The following RORA variants were observed in gnomAD, a reference collection of about 807,000 sequenced individuals.
RORA encodes the protein nuclear receptor ROR-alpha.
RORA carries 7 observed loss-of-function variants against 69.5 expected under a neutral mutation model. That is an observed-to-expected ratio of 0.10 (90% CI 0.06 to 0.19). The LOEUF is 0.19. Among genes scored for constraint, RORA ranks in the 10% least tolerant of loss-of-function variants. The pLI, the probability that RORA is intolerant of heterozygous loss-of-function variation, is 1.00. For missense variants in RORA, 457 were observed against 663.0 expected, an observed-to-expected ratio of 0.69 and a Z score of 3.41; for synonymous variants, 261 against 240.8, an observed-to-expected ratio of 1.08 and a Z score of -0.78.
intron 7 of RORA, 95 bp from the exon 8 acceptor site, chr15:60,502,962 G>A: frequency 1.2e-6 from 1 of 836,952 alleles, no homozygotes; most frequent in Non-Finnish European, 2.1e-6. Flanking sequence ...TTCTGCAACA[G>A]CATGGTGGGT....
At chr15:60,744,570 A>C (rs887310349) in intron 1 of RORA, among the ~76,000 whole-genome samples, 6 of 152,130 alleles carry the variant, frequency 3.9e-5, no homozygotes, top group Non-Finnish European at 8.8e-5. Flanking sequence ...CAGTGTCCTC[A>C]CCAGCAAACT....
chr15:60,662,316 A>T (rs1567146015), intron 2 of RORA, among the ~76,000 whole-genome samples: 1 of 152,206 alleles, frequency 6.6e-6, no homozygotes, highest in East Asian at 1.9e-4. Flanking sequence ...GAGACTTGCT[A>T]TGCATATAAA....
At chr15:60,960,975 A>G (rs1210151411) in intron 1 of RORA, among the ~76,000 whole-genome samples, 2 of 152,312 alleles carry the variant, frequency 1.3e-5, no homozygotes, top group Middle Eastern at 3.4e-3. Context: ...CAAGCAGCAG[A>G]ACTGCGATTT....
In RORA at chr15:61,225,395, G is replaced by C. The variant is rs112101850; in HGVS notation, c.166+3658C>G. On this transcript the variant is annotated intron_variant, in intron 1 of 10. Transcript: ENST00000335670. ...TAGGTAAGAGCACCTACTAGAAAGT[G>C]AATCAGCCAAAACTGAAGGGGGCAA... Among the ~76,000 whole-genome samples, 93 of 152,218 alleles carry C rather than the reference G, an allele frequency of 6.1e-4. No individual in the cohort carries two copies. In the Middle Eastern group the frequency reaches 0.024, roughly 39 times the overall value.
chr15:61,180,515 A>C (rs999812358), intron 1 of RORA, among the ~76,000 whole-genome samples: 1 of 152,142 alleles, frequency 6.6e-6, no homozygotes, highest in African/African-American at 2.4e-5. Context: ...ACTTTCTACC[A>C]ATTTTCTTCC....
intron 2 of RORA, among the ~76,000 whole-genome samples, chr15:60,647,802 C>A (rs576793009): frequency 6.6e-6 from 1 of 152,172 alleles, no homozygotes; most frequent in East Asian, 1.9e-4. Flanking sequence ...TGATATAGAG[C>A]CTTCTCTGTA....
chr15:61,094,938 G>A (rs1006286535), intron 1 of RORA, among the ~76,000 whole-genome samples: 2 of 152,256 alleles, frequency 1.3e-5, no homozygotes, highest in African/African-American at 4.8e-5. Context: ...GAGAAAAGGG[G>A]AAGAGGATTC....
chr15:60,974,544 C>T (rs935142928), intron 1 of RORA, among the ~76,000 whole-genome samples: 1 of 152,180 alleles, frequency 6.6e-6, no homozygotes, highest in African/African-American at 2.4e-5. Flanking sequence ...TTCTTTGTGG[C>T]TCCTAAGTTA....
At chr15:60,728,354 A>T (rs2071390248) in intron 1 of RORA, among the ~76,000 whole-genome samples, 1 of 151,858 alleles carries the variant, frequency 6.6e-6, no homozygotes, top group African/African-American at 2.4e-5. Context: ...CTCCCAACTC[A>T]CCCTTGGACC....
intron 1 of RORA, among the ~76,000 whole-genome samples, chr15:60,876,551 G>C (rs559243996): frequency 3.3e-5 from 5 of 152,008 alleles, no homozygotes; most frequent in African/African-American, 9.7e-5. Context: ...TCACATCAAG[G>C]CTATGTGATA....
intron 1 of RORA, among the ~76,000 whole-genome samples, chr15:61,096,564 C>T (rs530463418): frequency 6.6e-6 from 1 of 152,260 alleles, no homozygotes; most frequent in South Asian, 2.1e-4. Context: ...ACAACCAAGT[C>T]CCCATGAGAG....
chr15:60,547,049 G>A (rs1866009), intron 2 of RORA, among the ~76,000 whole-genome samples: 2,968 of 152,238 alleles, frequency 0.019, 90 homozygotes, highest in African/African-American at 0.069. Context: ...TACTGTGGGC[G>A]TGGAGATGCT....
At chr15:60,879,857 C>G (rs2073659558) in intron 1 of RORA, among the ~76,000 whole-genome samples, 1 of 152,180 alleles carries the variant, frequency 6.6e-6, no homozygotes. Context: ...AAGTCACAAA[C>G]ATAAACCTTC....
At chr15:60,685,821 A>C (rs1208238046) in intron 1 of RORA, among the ~76,000 whole-genome samples, 1 of 152,232 alleles carries the variant, frequency 6.6e-6, no homozygotes, top group African/African-American at 2.4e-5. Context: ...ACAATCAAAC[A>C]TTTTGTAATT....
chr15:60,998,600 T>C (rs570881429), intron 1 of RORA, among the ~76,000 whole-genome samples: 3 of 152,330 alleles, frequency 2.0e-5, no homozygotes, highest in Non-Finnish European at 2.9e-5. Context: ...GGTTTCACCA[T>C]GTTAGCTAGG....
intron 2 of RORA, among the ~76,000 whole-genome samples, chr15:60,586,474 G>A (rs757303312): frequency 1.4e-4 from 21 of 152,060 alleles, no homozygotes; most frequent in South Asian, 1.0e-3. Context: ...GTGTGTGTGC[G>A]TGTGCATGTG....
At chr15:61,022,299 G>A (rs1895566941) in intron 1 of RORA, among the ~76,000 whole-genome samples, 1 of 152,154 alleles carries the variant, frequency 6.6e-6, no homozygotes, top group Admixed American at 6.5e-5. Flanking sequence ...TTCAAATTTA[G>A]GCAGCTATTA....
At chr15:61,172,372 T>C (rs2079592717) in intron 1 of RORA, among the ~76,000 whole-genome samples, 1 of 152,094 alleles carries the variant, frequency 6.6e-6, no homozygotes, top group African/African-American at 2.4e-5. Flanking sequence ...AAACATAAAT[T>C]AGTGGTTATA....
chr15:61,077,350 A>T (rs180982654), intron 1 of RORA, among the ~76,000 whole-genome samples: 1 of 152,280 alleles, frequency 6.6e-6, no homozygotes, highest in East Asian at 1.9e-4. Context: ...AGACATGTTT[A>T]GGGGAACTGA....
Sources: allele counts gnomAD v4.1 joint callset (sites outside exome capture counted in the v4.1 genomes callset), GRCh38; gene constraint gnomAD v4.1.1; transcripts MANE v1.5; gene names NCBI Gene and HGNC (gene_info 2026-07-23, HGNC 2026-07-21).